KIR3DL1: variants seen among roughly 807,000 people sequenced by gnomAD.
The protein encoded by KIR3DL1 is killer cell immunoglobulin-like receptor 3DL1.
Under a neutral mutation model 40.3 loss-of-function variants are expected in KIR3DL1, and 50 were observed. That is an observed-to-expected ratio of 1.24 (90% CI 0.99 to 1.57). The LOEUF is 1.57. Among genes scored for constraint, KIR3DL1 ranks in the 40% most tolerant of loss-of-function variants. The pLI is 0.00. For synonymous variants in KIR3DL1, 257 were observed against 207.2 expected (o/e 1.24, Z -2.07); for missense variants, 661 against 559.9 (o/e 1.18, Z -1.82).
In KIR3DL1 at chr19:54,828,283, C is replaced by T. The variant is rs532016608; in HGVS notation, c.1001-1078C>T. 5.7e-4 allele frequency among the ~76,000 whole-genome samples: 86 copies of T among 151,226 alleles called. 1 individual carries two copies. Among genetic ancestry groups the T allele is most frequent in the African/African-American group, 5.1e-4 (21 of 40,788 alleles). Reference sequence around the variant, plus strand: ...TGCAAGTTGTTTAACTCAAGAATGCCGTGGATGTAGAAATCCTAAAGCACA... The same window carrying T: ...TGCAAGTTGTTTAACTCAAGAATGCTGTGGATGTAGAAATCCTAAAGCACA... On this transcript the variant is annotated intron_variant, in intron 6 of 8. Coordinates refer to ENST00000391728, the Ensembl canonical transcript of KIR3DL1.
At chr19:54,817,652 G>C (rs2061418929) in intron 2 of KIR3DL1, 83 bp downstream of exon 2, 3 of 1,153,418 alleles carry the variant, frequency 2.6e-6, no homozygotes, top group Non-Finnish European at 3.7e-6. Flanking sequence ...CTGTCGGGGA[G>C]TCTCTCATAC....
chr19:54,818,212 G>C, intron 2 of KIR3DL1, 103 bp from the exon 3 acceptor site: 3 of 1,309,554 alleles, frequency 2.3e-6, no homozygotes, highest in Non-Finnish European at 3.2e-6. Context: ...CCCAGGTGTG[G>C]TAGGAGCCTT....
In KIR3DL1 at chr19:54,830,299, C is replaced by A. The variant is rs534399539; in HGVS notation, c.*24C>A. 1.1e-5 allele frequency: 17 copies of A among 1,491,458 alleles called. 3 individuals are homozygous for A. The highest frequency in any genetic ancestry group is 1.9e-5 in the Admixed American group (1 of 53,910). The allele number at this position is 1,491,458 out of a possible 1,614,324, so 92.4% of individuals were successfully genotyped here. A position where few individuals can be genotyped will look rare whatever the true frequency, so the allele number is the denominator to read the frequency against. On this transcript the variant is annotated 3_prime_UTR_variant, in exon 9 of 9. Transcript: ENST00000391728. ...GAGCACCACAGTCAGGCCTTGAGGA[C>A]GTCTTCTAGGGAGACAACAGCCCTG...
chr19:54,821,683 G>A (rs112686751), exon 5 of KIR3DL1: 15 of 1,609,266 alleles, frequency 9.3e-6, no homozygotes, highest in African/African-American at 1.3e-5. Context: ...TATCCAGGGA[G>A]GGGGGAGCCC....
intron 5 of KIR3DL1, 83 bp downstream of exon 5, chr19:54,821,941 A>C (rs1358842324): frequency 6.8e-7 from 1 of 1,466,322 alleles, no homozygotes; most frequent in East Asian, 2.3e-5. Flanking sequence ...GGAGAAAAGC[A>C]TGGACAGATG....
At chr19:54,827,034 A>G (rs1177964494) in intron 6 of KIR3DL1, among the ~76,000 whole-genome samples, 2 of 151,736 alleles carry the variant, frequency 1.3e-5, no homozygotes, top group African/African-American at 4.9e-5. Context: ...GGAATCTAGG[A>G]GACAGTGGAA....
intron 6 of KIR3DL1, among the ~76,000 whole-genome samples, chr19:54,828,378 G>A (rs1476036704): frequency 6.6e-6 from 1 of 151,270 alleles, no homozygotes; most frequent in Non-Finnish European, 1.5e-5. Flanking sequence ...CTGCACCTGG[G>A]CCTATGCCAA....
rs1410966411 is a variant in KIR3DL1 at position 54,829,263 on chromosome 19, A to C, written c.1001-98A>C. ...CCATCTGGGTGCTTGTCCGAAAGAGATGCTGTAAGTGGTTACCTGTCAATC... is the reference window on the plus strand; with the variant it reads ...CCATCTGGGTGCTTGTCCGAAAGAGCTGCTGTAAGTGGTTACCTGTCAATC... On this transcript the variant is annotated intron_variant, in intron 6 of 8. Transcript: ENST00000391728. 4 of 1,033,248 alleles carry C rather than the reference A, an allele frequency of 3.9e-6. 1 individual carries two copies. Among genetic ancestry groups the C allele is most frequent in the Non-Finnish European group, 5.7e-6 (4 of 699,782 alleles). The allele number at this position is 1,033,248 out of a possible 1,614,324, so 64.0% of individuals were successfully genotyped here. A position where few individuals can be genotyped will look rare whatever the true frequency, so the allele number is the denominator to read the frequency against.
At position 54,821,442 on chromosome 19, in the gene KIR3DL1, G is replaced by T. The variant is rs1312989549; in HGVS notation, c.656-123G>T. On this transcript the variant is annotated intron_variant, in intron 4 of 8. Transcript: ENST00000391728. ...AACAGATATGAAGAGAGATGGGGTG[G>T]AGGGTGAGAGAGAGAGAGAGAGCAT... 9.5e-5 allele frequency: 117 copies of T among 1,236,092 alleles called. 2 individuals carry two copies. The South Asian group carries it at 1.5e-3, about 16-fold the overall frequency. 76.6% of individuals were successfully genotyped at this position (1,236,092 alleles called of 1,614,324 possible).
At chr19:54,829,650 T>A (rs191587231) in intron 7 of KIR3DL1, among the ~76,000 whole-genome samples, 185 bp downstream of exon 7, 1 of 142,452 alleles carries the variant, frequency 7.0e-6, no homozygotes, top group African/African-American at 2.5e-5. Flanking sequence ...GACCGTTGCC[T>A]GATTCTGAAC....
In KIR3DL1 at chr19:54,828,507, G is replaced by A. The variant is rs1380147865; in HGVS notation, c.1001-854G>A. On this transcript the variant is annotated intron_variant, in intron 6 of 8. Coordinates refer to ENST00000391728, the Ensembl canonical transcript of KIR3DL1. Reference sequence around the variant, plus strand: ...AACAGAAGCCTACATTTCAATGTGAGCCAGTTCCCCAAGGCTCAGAAAAGC... The same window carrying A: ...AACAGAAGCCTACATTTCAATGTGAACCAGTTCCCCAAGGCTCAGAAAAGC... Among the ~76,000 whole-genome samples, 3 of 151,080 alleles carry A rather than the reference G, an allele frequency of 2.0e-5. 1 individual carries two copies. Among genetic ancestry groups the A allele is most frequent in the African/African-American group, 7.4e-5 (3 of 40,636 alleles).
exon 4 of KIR3DL1, chr19:54,819,738 G>T (rs746151354): frequency 1.2e-6 from 2 of 1,609,552 alleles, no homozygotes; most frequent in South Asian, 1.1e-5. Flanking sequence ...CTTCCCTCCT[G>T]GCCCACCCAG....
chr19:54,829,552 A>G lies in KIR3DL1; in HGVS notation c.1105+87A>G, dbSNP rs888425309. 2.6e-6 allele frequency: 3 copies of G among 1,157,316 alleles called. 1 individual carries two copies. The highest frequency in any genetic ancestry group is 3.7e-6 in the Non-Finnish European group (3 of 813,696). The allele number at this position is 1,157,316 out of a possible 1,614,324, so 71.7% of individuals were successfully genotyped here. A position where few individuals can be genotyped will look rare whatever the true frequency, so the allele number is the denominator to read the frequency against. ...ACACAGCTGTGTGTTCCTCACTGGCAGGATGGTCCCTGGCCCAAGACAGGA... is the reference window on the plus strand; with the variant it reads ...ACACAGCTGTGTGTTCCTCACTGGCGGGATGGTCCCTGGCCCAAGACAGGA... On this transcript the variant is annotated intron_variant, in intron 7 of 8. Coordinates refer to ENST00000391728, the Ensembl canonical transcript of KIR3DL1.
intron 3 of KIR3DL1, among the ~76,000 whole-genome samples, chr19:54,818,871 A>G (rs1051108766): frequency 4.6e-5 from 7 of 150,784 alleles, no homozygotes; most frequent in Non-Finnish European, 1.0e-4. Context: ...GTTGACCTTG[A>G]GATGGGGAGA....
In KIR3DL1 at chr19:54,817,909, C is replaced by T. The variant is rs1267457811; in HGVS notation, c.70+340C>T. Among the ~76,000 whole-genome samples the T allele has an allele frequency of 3.5e-5, 5 of 144,756 alleles. 1 individual carries two copies. The highest frequency in any genetic ancestry group is 6.0e-5 in the Non-Finnish European group (4 of 67,180). 95.0% of individuals were successfully genotyped at this position (144,756 alleles called of 152,430 possible). A position where few individuals can be genotyped will look rare whatever the true frequency, so the allele number is the denominator to read the frequency against. On this transcript the variant is annotated intron_variant, in intron 2 of 8. Coordinates refer to ENST00000391728, the Ensembl canonical transcript of KIR3DL1. Reference sequence around the variant, plus strand: ...TCCAGCGTTTCCGTGATGGTAGGGGCTGCAGTGTGGCTGCGGTCTTTCTAC... The same window carrying T: ...TCCAGCGTTTCCGTGATGGTAGGGGTTGCAGTGTGGCTGCGGTCTTTCTAC...
At chr19:54,819,424 C>T (rs2984215) in intron 3 of KIR3DL1, among the ~76,000 whole-genome samples, 26,170 of 147,702 alleles carry the variant, frequency 0.18, 2,837 homozygotes, top group South Asian at 0.3. Flanking sequence ...TCCACCCCCA[C>T]ATAGACAGCA....
exon 6 of KIR3DL1, chr19:54,825,065 A>G (rs780414613): frequency 3.5e-5 from 54 of 1,529,826 alleles, no homozygotes; most frequent in Non-Finnish European, 4.8e-5. Flanking sequence ...CCACAGAACC[A>G]AGCTCCAAAT....
chr19:54,816,515 C>G, exon 1 of KIR3DL1: 2 of 1,607,488 alleles, frequency 1.2e-6, no homozygotes, highest in South Asian at 2.2e-5. Context: ...CGCTCATGGT[C>G]GTCAGCATGG....
intron 6 of KIR3DL1, among the ~76,000 whole-genome samples, chr19:54,828,873 C>A (rs2062049393): frequency 7.0e-6 from 1 of 141,920 alleles, no homozygotes; most frequent in East Asian, 2.1e-4. Flanking sequence ...CGCTCCCACT[C>A]TGGCAGAAGG....
Sources: allele counts gnomAD v4.1 joint callset (sites outside exome capture counted in the v4.1 genomes callset), GRCh38; gene constraint gnomAD v4.1.1; transcripts MANE v1.5; gene names NCBI Gene and HGNC (gene_info 2026-07-23, HGNC 2026-07-21).